Variants in PLSCR1 observed in about 807,000 individuals in gnomAD.
The protein encoded by PLSCR1 is PL scramblase 1.
Under a neutral mutation model 37.8 loss-of-function variants are expected in PLSCR1, and 17 were observed. The ratio of observed to expected loss-of-function variants is 0.45; its 90% CI spans 0.31 to 0.68. The LOEUF is 0.68. PLSCR1 is among the 30% of genes least tolerant of loss of function. The pLI is 0.06. For synonymous variants in PLSCR1, 116 were observed against 125.9 expected (o/e 0.92, Z 0.53); for missense variants, 347 against 380.9 (o/e 0.91, Z 0.74).
chr3:146,541,302 A>C (rs1379696362), intron 1 of PLSCR1: 1 of 152,196 alleles, frequency 6.6e-6, no homozygotes, highest in Non-Finnish European at 1.5e-5. Context: ...GATGGTAGTG[A>C]TCAAGTGTTC....
rs1463067124 is a variant in PLSCR1 at position 146,521,576 on chromosome 3, C to T, written c.706G>A (p.Val236Met). ...DVLKISGPCV[V>M]CSCCGDVDFE... ...TCAACATCTCCACAACAGCTGCACA[C>T]AACACATGGACCACTTATTTTTAGT... The change falls in exon 7 of 9, where the codon GTG (valine) becomes ATG (methionine). Residue 236 changes from valine to methionine, a missense_variant. Val to Met is a conservative substitution (Grantham distance 21). Coordinates refer to ENST00000342435, the MANE Select transcript of PLSCR1 (RefSeq NM_021105.3). The T allele has an allele frequency of 1.9e-6, 3 of 1,613,968 alleles. No individual in the cohort carries two copies. In the Admixed American group the frequency reaches 5.0e-5, roughly 27 times the overall value.
chr3:146,542,466 G>C (rs930341612), intron 1 of PLSCR1, among the ~76,000 whole-genome samples: 10 of 152,112 alleles, frequency 6.6e-5, no homozygotes, highest in Non-Finnish European at 1.2e-4. Context: ...GCCTCATGAT[G>C]CATTTCTCAG....
intron 5 of PLSCR1, among the ~76,000 whole-genome samples, chr3:146,522,883 T>C (rs966925778): frequency 3.3e-5 from 5 of 152,222 alleles, no homozygotes; most frequent in African/African-American, 1.2e-4. Flanking sequence ...TACTGCTCTT[T>C]AAGGCATTGA....
intron 7 of PLSCR1, among the ~76,000 whole-genome samples, chr3:146,518,527 T>C (rs1031197918): frequency 3.3e-5 from 5 of 152,228 alleles, no homozygotes; most frequent in South Asian, 2.1e-4. Context: ...TTTCTGCTAA[T>C]AGCTGTCATT....
chr3:146,542,331 C>T (rs2044347579), intron 1 of PLSCR1, among the ~76,000 whole-genome samples: 2 of 152,100 alleles, frequency 1.3e-5, no homozygotes, highest in African/African-American at 2.4e-5. Context: ...TTGAGACTTC[C>T]CTCAGCTCTC....
intron 5 of PLSCR1, among the ~76,000 whole-genome samples, chr3:146,525,249 T>G (rs982425609): frequency 9.2e-5 from 14 of 152,230 alleles, no homozygotes; most frequent in African/African-American, 3.4e-4. Context: ...AAAGATAACT[T>G]ACTTTGGAAT....
intron 3 of PLSCR1, among the ~76,000 whole-genome samples, chr3:146,532,146 A>G (rs1162847667): frequency 1.3e-5 from 2 of 152,192 alleles, no homozygotes; most frequent in African/African-American, 2.4e-5. Context: ...AGAGCCATAT[A>G]TATCTATATA....
chr3:146,516,905 T>C, intron 8 of PLSCR1, 101 bp downstream of exon 8: 1 of 827,708 alleles, frequency 1.2e-6, no homozygotes, highest in Non-Finnish European at 1.9e-6. Flanking sequence ...TTAAAATCTA[T>C]AAATTTTAAA....
intron 1 of PLSCR1, among the ~76,000 whole-genome samples, chr3:146,543,365 T>A (rs2044362034): frequency 6.6e-6 from 1 of 152,242 alleles, no homozygotes; most frequent in African/African-American, 2.4e-5. Flanking sequence ...ATCCACTCTT[T>A]CCCTTTATAT....
In PLSCR1 at chr3:146,521,581, C is replaced by T. The variant is rs1204314950; in HGVS notation, c.701G>A (p.Cys234Tyr). The T allele has an allele frequency of 1.9e-6, 3 of 1,614,016 alleles. No homozygotes were observed. The Admixed American group carries it at 5.0e-5, about 27-fold the overall frequency. The change falls in exon 7 of 9, where the codon TGT becomes TAT. Residue 234 changes from cysteine (C) to tyrosine (Y), a missense_variant. Transcript: ENST00000342435. ...REDVLKISGPCVVCSCCGDVD... is the reference protein window; with the variant it reads ...REDVLKISGPYVVCSCCGDVD... The stretch of plus-strand genomic sequence containing the variant: ...ATCTCCACAACAGCTGCACACAACA[C>T]ATGGACCACTTATTTTTAGTACATC...
chr3:146,521,271 CAT>C (rs1487641101), intron 7 of PLSCR1, among the ~76,000 whole-genome samples: 1 of 152,162 alleles, frequency 6.6e-6, no homozygotes, highest in East Asian at 1.9e-4. Context: ...AGTGTCATCA[CAT>C]AGAAACCACC....
intron 3 of PLSCR1, among the ~76,000 whole-genome samples, chr3:146,532,755 G>T (rs2044216387): frequency 6.6e-6 from 1 of 152,108 alleles, no homozygotes; most frequent in Non-Finnish European, 1.5e-5. Context: ...GACATGCCAT[G>T]GACTTTGCTA....
intron 3 of PLSCR1, among the ~76,000 whole-genome samples, chr3:146,530,451 T>C (rs950842838): frequency 3.3e-5 from 5 of 152,156 alleles, no homozygotes; most frequent in Admixed American, 6.5e-5. Flanking sequence ...TCAGAGAGCT[T>C]ACAGTCAACT....
chr3:146,521,911 A>G lies in PLSCR1; in HGVS notation c.498T>C (p.Asp166=), dbSNP rs376452514. The change falls in exon 6 of 9, where the codon GAT becomes GAC. Residue 166 remains aspartate, a synonymous_variant. Coordinates refer to ENST00000342435, the MANE Select transcript of PLSCR1 (RefSeq NM_021105.3). ...GAGTTATGACTTCTTGACCCATATT[A>G]TCAATAATCCTCAAGGTAAAAGGTC... ...PSRPFTLRII[D]NMGQEVITLE... The G allele has an allele frequency of 3.1e-6, 5 of 1,613,536 alleles. No individual in the cohort carries two copies. The highest frequency in any genetic ancestry group is 3.4e-6 in the Non-Finnish European group (4 of 1,179,640).
intron 7 of PLSCR1, among the ~76,000 whole-genome samples, chr3:146,517,907 T>A (rs1378853200): frequency 1.3e-5 from 2 of 152,178 alleles, no homozygotes; most frequent in East Asian, 3.8e-4. Context: ...GGGGACTGAA[T>A]GTAGCTGAAA....
rs372202318 is a variant in PLSCR1 at position 146,544,603 on chromosome 3, G to A, written c.-150C>T. The A allele has an allele frequency of 3.2e-3, 482 of 152,538 alleles. 4 individuals are homozygous for A. Among genetic ancestry groups the A allele is most frequent in the African/African-American group, 0.011 (456 of 41,604 alleles). The allele number at this position is 152,538 out of a possible 1,614,324, so 9.4% of individuals were successfully genotyped here. A position where few individuals can be genotyped will look rare whatever the true frequency, so the allele number is the denominator to read the frequency against. On this transcript the variant is annotated 5_prime_UTR_variant, in exon 1 of 9. Coordinates refer to ENST00000342435, the MANE Select transcript of PLSCR1 (RefSeq NM_021105.3). The stretch of plus-strand genomic sequence containing the variant: ...CCTTCTCAGAAGTCAGCCGGAAAAG[G>A]GTCTGGGAGTAACCTTTGCGCCAAC...
rs369476239 is a variant in PLSCR1, at chr3:146,522,103, G to A, written c.356-50C>T. ...TAATCACCTCTATGTTAAAAATATT[G>A]AATTTATCCAGATATTATAATATCT... is the stretch of plus-strand genomic sequence containing the variant. On this transcript the variant is annotated intron_variant, in intron 5 of 8. Coordinates refer to ENST00000342435, the MANE Select transcript of PLSCR1 (RefSeq NM_021105.3). 22 of 1,036,592 alleles carry A rather than the reference G, an allele frequency of 2.1e-5. No individual in the cohort carries two copies. The East Asian group carries it at 2.4e-4, about 12-fold the overall frequency. The allele number at this position is 1,036,592 out of a possible 1,614,324, so 64.2% of individuals were successfully genotyped here. A position where few individuals can be genotyped will look rare whatever the true frequency, so the allele number is the denominator to read the frequency against.
intron 2 of PLSCR1, among the ~76,000 whole-genome samples, chr3:146,533,845 A>AGC (rs1334074091): frequency 6.6e-6 from 1 of 152,196 alleles, no homozygotes; most frequent in Non-Finnish European, 1.5e-5. Context: ...TTTTGTTGAT[A>AGC]ATAAAACAAA....
chr3:146,530,038 G>A (rs765659820), intron 3 of PLSCR1, among the ~76,000 whole-genome samples: 93 of 152,278 alleles, frequency 6.1e-4, no homozygotes, highest in Non-Finnish European at 6.3e-4. Flanking sequence ...GTAAGAGGCA[G>A]AAATTTAATA....
Sources: gnomAD v4.1 joint callset for allele counts (sites outside exome capture counted in the v4.1 genomes callset) on GRCh38, gnomAD v4.1.1 for gene constraint, MANE v1.5 for transcripts, NCBI Gene and HGNC (gene_info 2026-07-23, HGNC 2026-07-21) for gene names.